The following NDUFS5 variants were observed in gnomAD, a reference collection of about 807,000 sequenced individuals.
The protein encoded by NDUFS5 is NADH:ubiquinone oxidoreductase subunit S5, also known as NADH dehydrogenase [ubiquinone] iron-sulfur protein 5.
Under a neutral mutation model 10.5 loss-of-function variants are expected in NDUFS5, and 7 were observed. The observed-to-expected ratio is 0.66, with a 90% confidence interval of 0.38 to 1.25. The LOEUF (loss-of-function observed/expected upper bound fraction) is 1.25. NDUFS5 is among the 50% of genes most tolerant of loss of function. The pLI, the probability that NDUFS5 is intolerant of heterozygous loss-of-function variation, is 0.02. For synonymous variants in NDUFS5, 38 were observed against 44.0 expected (o/e 0.86, Z 0.54); for missense variants, 148 against 140.7 (o/e 1.05, Z -0.26).
intron 2 of NDUFS5, among the ~76,000 whole-genome samples, chr1:39,030,417 A>AAGAAAAT (rs1233778249): frequency 1.4e-5 from 2 of 145,066 alleles, no homozygotes; most frequent in Non-Finnish European, 3.0e-5. Context: ...GAAAAAAAAA[A>AAGAAAAT]AAAAGATGGC....
intron 2 of NDUFS5, among the ~76,000 whole-genome samples, chr1:39,031,384 C>T (rs995787586): frequency 1.3e-5 from 2 of 151,980 alleles, no homozygotes; most frequent in Non-Finnish European, 2.9e-5. Flanking sequence ...TCATAGCTTA[C>T]TGCACCCTCA....
In NDUFS5 at chr1:39,034,575, C is replaced by T; in HGVS notation, c.*79C>T. 3 of 1,180,752 alleles carry T rather than the reference C, an allele frequency of 2.5e-6. No homozygotes were observed. Among genetic ancestry groups the T allele is most frequent in the Non-Finnish European group, 3.8e-6 (3 of 795,750 alleles). The allele number at this position is 1,180,752 out of a possible 1,614,324, so 73.1% of individuals were successfully genotyped here. On this transcript the variant is annotated 3_prime_UTR_variant, in exon 3 of 3. Coordinates refer to ENST00000372969, the MANE Select transcript of NDUFS5 (RefSeq NM_004552.3). ...TGGAAAGGTTGTTTACGACAAACCT[C>T]CTTGTCAAAGTGTGTAAAAATAAAG...
Position 39,034,524 on chromosome 1 carries a change from T to C in NDUFS5, c.*28T>C. 6.3e-7 allele frequency: 1 copy of C among 1,590,560 alleles called. No individual in the cohort carries two copies. The highest frequency in any genetic ancestry group is 8.6e-7 in the Non-Finnish European group (1 of 1,159,052). On this transcript the variant is annotated 3_prime_UTR_variant, in exon 3 of 3. Transcript: ENST00000372969. ...AGAGCAGCTGCTGATGTCTGGAGGC[T>C]GATTTTCCTGTTCTCTGTTCTCCAC...
At chr1:39,027,141 G>A (rs1644154334) in intron 1 of NDUFS5, among the ~76,000 whole-genome samples, 1 of 151,998 alleles carries the variant, frequency 6.6e-6, no homozygotes, top group Non-Finnish European at 1.5e-5. Context: ...CGCGATCTCG[G>A]CTCACTGCAG....
At chr1:39,026,887 C>G (rs917922123) in intron 1 of NDUFS5, among the ~76,000 whole-genome samples, 16 of 152,222 alleles carry the variant, frequency 1.1e-4, no homozygotes, top group African/African-American at 3.9e-4. Flanking sequence ...TTCAAGTCTC[C>G]GGGCAGAGTT....
intron 2 of NDUFS5, among the ~76,000 whole-genome samples, chr1:39,029,738 A>C (rs990241001): frequency 1.3e-5 from 2 of 152,216 alleles, no homozygotes; most frequent in Non-Finnish European, 2.9e-5. Flanking sequence ...GCTGTACATG[A>C]GCGTGAACAA....
At chr1:39,034,216 A>G (rs1359645456) in intron 2 of NDUFS5, among the ~76,000 whole-genome samples, 176 bp from the exon 3 acceptor site, 1 of 152,172 alleles carries the variant, frequency 6.6e-6, no homozygotes, top group African/African-American at 2.4e-5. Flanking sequence ...ATTTGTTTGA[A>G]AGCTTGGGAA....
intron 2 of NDUFS5, among the ~76,000 whole-genome samples, chr1:39,030,278 G>A (rs1378671881): frequency 6.6e-6 from 1 of 151,504 alleles, no homozygotes; most frequent in Non-Finnish European, 1.5e-5. Flanking sequence ...GGTGACAGGG[G>A]CATGTAATCT....
chr1:39,030,747 AAG>A (rs1644185306), intron 2 of NDUFS5, among the ~76,000 whole-genome samples: 1 of 151,978 alleles, frequency 6.6e-6, no homozygotes, highest in Non-Finnish European at 1.5e-5. Context: ...AAATAAAAAA[AAG>A]ATTTTGATAA....
At chr1:39,033,534 C>T (rs1644207099) in intron 2 of NDUFS5, among the ~76,000 whole-genome samples, 1 of 144,996 alleles carries the variant, frequency 6.9e-6, no homozygotes, top group Admixed American at 6.8e-5. Context: ...GATCGTGCCA[C>T]TTTGTCACCC....
chr1:39,031,630 G>A (rs780619267), intron 2 of NDUFS5, among the ~76,000 whole-genome samples: 15 of 152,076 alleles, frequency 9.9e-5, no homozygotes, highest in Non-Finnish European at 2.1e-4. Flanking sequence ...TTGTGACTTT[G>A]AGCAAGTCAC....
At chr1:39,027,879 C>T (rs562544372) in intron 1 of NDUFS5, among the ~76,000 whole-genome samples, 77 of 129,922 alleles carry the variant, frequency 5.9e-4, no homozygotes, top group Non-Finnish European at 9.2e-4. Context: ...AGTACAATGG[C>T]GGATCTTGGC....
rs764488877 is a variant in NDUFS5 at position 39,028,946 on chromosome 1, G to A, written c.216+6G>A. 3 of 1,611,534 alleles carry A rather than the reference G, an allele frequency of 1.9e-6. No individual in the cohort carries two copies. The highest frequency in any genetic ancestry group is 1.3e-5 in the African/African-American group (1 of 74,790). ...GTTTGCTTCGGCAGAAAACGGTAAG[G>A]AAATGATGGAGGTGGAAGCTGAATT... On this transcript the variant is annotated splice_donor_region_variant and intron_variant, in intron 2 of 2. Transcript: ENST00000372969.
Position 39,028,775 on chromosome 1 carries a change from G to A in NDUFS5, c.51G>A (p.Trp17Ter). The part of the protein sequence containing the change: ...QKRFGLNIDR[W>*]LTIQSGEQPY... The stretch of plus-strand genomic sequence containing the variant: ...GGTTCGGCCTTAACATAGATCGATG[G>A]TTGACAATCCAGAGTGGTGAACAGC... The change falls in exon 2 of 3, where the codon TGG (tryptophan) becomes TGA (stop). Residue 17 changes from tryptophan (W) to a stop codon, truncating the protein, a stop_gained. Coordinates refer to ENST00000372969, the MANE Select transcript of NDUFS5 (RefSeq NM_004552.3). LOFTEE classifies it high-confidence loss of function. 6.2e-7 allele frequency: 1 copy of A among 1,614,088 alleles called. No individual in the cohort carries two copies. Among genetic ancestry groups the A allele is most frequent in the Non-Finnish European group, 8.5e-7 (1 of 1,180,010 alleles).
intron 1 of NDUFS5, among the ~76,000 whole-genome samples, 171 bp downstream of exon 1, chr1:39,026,573 G>A (rs929465897): frequency 6.6e-6 from 1 of 152,184 alleles, no homozygotes; most frequent in African/African-American, 2.4e-5. Flanking sequence ...TGGCACCGAA[G>A]CCTGGAGATT....
intron 2 of NDUFS5, among the ~76,000 whole-genome samples, 177 bp downstream of exon 2, chr1:39,029,117 C>T (rs1039734500): frequency 5.3e-5 from 8 of 151,836 alleles, no homozygotes; most frequent in East Asian, 3.9e-4. Flanking sequence ...CTCAGCCTCC[C>T]GAGTAGCTGG....
chr1:39,028,951 G>T lies in NDUFS5; in HGVS notation c.216+11G>T, dbSNP rs754198540. On this transcript the variant is annotated intron_variant, in intron 2 of 2. Coordinates refer to ENST00000372969, the MANE Select transcript of NDUFS5 (RefSeq NM_004552.3). ...CTTCGGCAGAAAACGGTAAGGAAATGATGGAGGTGGAAGCTGAATTACTTT... is the reference window on the plus strand; with the variant it reads ...CTTCGGCAGAAAACGGTAAGGAAATTATGGAGGTGGAAGCTGAATTACTTT... The T allele has an allele frequency of 1.3e-5, 21 of 1,603,390 alleles. No homozygotes were observed. Among genetic ancestry groups the T allele is most frequent in the Non-Finnish European group, 1.7e-5 (20 of 1,171,404 alleles).
intron 2 of NDUFS5, 122 bp downstream of exon 2, chr1:39,029,062 G>C: frequency 3.4e-6 from 3 of 869,990 alleles, no homozygotes; most frequent in Non-Finnish European, 5.2e-6. Flanking sequence ...GCGCCACCTC[G>C]TCTCACTGTA....
intron 2 of NDUFS5, among the ~76,000 whole-genome samples, chr1:39,030,119 A>C (rs938636389): frequency 3.3e-5 from 5 of 150,316 alleles, no homozygotes; most frequent in Non-Finnish European, 7.4e-5. Context: ...AACAAATTTA[A>C]AAAAATCCCA....
Sources: gnomAD v4.1 joint callset for allele counts (sites outside exome capture counted in the v4.1 genomes callset) on GRCh38, gnomAD v4.1.1 for gene constraint, MANE v1.5 for transcripts, NCBI Gene and HGNC (gene_info 2026-07-23, HGNC 2026-07-21) for gene names.